Variants in ERC2 observed in about 807,000 individuals in gnomAD.
ERC2 encodes ERC protein 2.
ERC2 carries 42 observed loss-of-function variants against 114.8 expected under a neutral mutation model. The observed-to-expected ratio is 0.37, with a 90% CI of 0.29 to 0.47. The LOEUF (loss-of-function observed/expected upper bound fraction) is 0.47. Among genes scored for constraint, ERC2 ranks in the 20% least tolerant of loss-of-function variants. ERC2 has a pLI of 0.99. For missense variants in ERC2, 939 were observed against 1,150.7 expected, an observed-to-expected ratio of 0.82 and a Z score of 2.66; for synonymous variants, 454 against 425.5, an observed-to-expected ratio of 1.07 and a Z score of -0.82.
chr3:56,336,766 T>C (rs978573573), intron 2 of ERC2, among the ~76,000 whole-genome samples: 9 of 152,120 alleles, frequency 5.9e-5, no homozygotes, highest in African/African-American at 1.9e-4. Flanking sequence ...CACTGCACTC[T>C]AGCCTGGGGG....
intron 14 of ERC2, among the ~76,000 whole-genome samples, chr3:55,788,877 T>C (rs961309971): frequency 1.1e-4 from 16 of 152,228 alleles, no homozygotes; most frequent in African/African-American, 3.6e-4. Flanking sequence ...TGCTCATACA[T>C]GTGTAACCAG....
chr3:56,336,657 G>A (rs1194832298), intron 2 of ERC2, among the ~76,000 whole-genome samples: 4 of 152,080 alleles, frequency 2.6e-5, no homozygotes, highest in Admixed American at 2.6e-4. Context: ...AGCTGAGCAT[G>A]GTGGCAGGCG....
chr3:55,722,518 G>T (rs1262024423), intron 15 of ERC2, among the ~76,000 whole-genome samples: 2 of 152,132 alleles, frequency 1.3e-5, no homozygotes, highest in Non-Finnish European at 2.9e-5. Flanking sequence ...ATCATCTTTG[G>T]TTTTTCCCAT....
At chr3:55,661,500 T>G (rs2061135056) in intron 17 of ERC2, among the ~76,000 whole-genome samples, 1 of 152,186 alleles carries the variant, frequency 6.6e-6, no homozygotes, top group African/African-American at 2.4e-5. Context: ...ATCTCTCCCC[T>G]TCCCTCTTCC....
intron 7 of ERC2, among the ~76,000 whole-genome samples, chr3:56,030,795 C>A (rs1033798639): frequency 1.3e-5 from 2 of 151,894 alleles, no homozygotes; most frequent in African/African-American, 2.4e-5. Flanking sequence ...GTAATTATAC[C>A]CTCCGAATGG....
In ERC2 at chr3:56,110,213, C is replaced by G. The variant is rs181555525; in HGVS notation, c.1474-29229G>C. 8.5e-4 allele frequency among the ~76,000 whole-genome samples: 129 copies of G among 152,248 alleles called. 1 individual carries two copies. Among genetic ancestry groups the G allele is most frequent in the African/African-American group, 3.0e-3 (123 of 41,548 alleles). On this transcript the variant is annotated intron_variant, in intron 6 of 17. Coordinates refer to ENST00000288221, the MANE Select transcript of ERC2 (RefSeq NM_015576.3). ...AGCAAGGCTATAGGAAATTTGGTAT[C>G]AGTCTTTTGCTGAGGTATTATAATA...
At chr3:55,762,944 A>G (rs541661930) in intron 14 of ERC2, among the ~76,000 whole-genome samples, 159 of 152,362 alleles carry the variant, frequency 1.0e-3, no homozygotes, top group Middle Eastern at 3.4e-3. Context: ...CAGAACACAT[A>G]CTAAGTAGGT....
intron 17 of ERC2, among the ~76,000 whole-genome samples, chr3:55,585,919 C>T (rs1053938974): frequency 3.9e-5 from 6 of 152,076 alleles, no homozygotes; most frequent in Admixed American, 3.3e-4. Context: ...AACCGCAGAA[C>T]GAAAATCAAA....
intron 3 of ERC2, among the ~76,000 whole-genome samples, chr3:56,258,956 T>G (rs1247561812): frequency 6.7e-6 from 1 of 148,864 alleles, no homozygotes; most frequent in Non-Finnish European, 1.5e-5. Flanking sequence ...AACTATGTTT[T>G]TCTTTTAATT....
chr3:55,924,214 C>T (rs1207566473), intron 13 of ERC2, among the ~76,000 whole-genome samples: 1 of 152,156 alleles, frequency 6.6e-6, no homozygotes, highest in Non-Finnish European at 1.5e-5. Context: ...AAAGTCCTCA[C>T]TGTCTTCTAG....
chr3:56,361,266 G>A (rs2058947508), intron 2 of ERC2, among the ~76,000 whole-genome samples: 1 of 152,144 alleles, frequency 6.6e-6, no homozygotes, highest in Non-Finnish European at 1.5e-5. Flanking sequence ...GCACACTCAT[G>A]GGGTGGGGAC....
At chr3:55,657,288 TG>T (rs1394083250) in intron 17 of ERC2, 3 of 152,156 alleles carry the variant, frequency 2.0e-5, no homozygotes, top group African/African-American at 7.2e-5. Flanking sequence ...TAAGGCAACT[TG>T]GCAGATCTCT....
At chr3:56,077,074 T>C (rs1346596625) in intron 7 of ERC2, among the ~76,000 whole-genome samples, 1 of 152,196 alleles carries the variant, frequency 6.6e-6, no homozygotes, top group Non-Finnish European at 1.5e-5. Flanking sequence ...GCTATTCCAA[T>C]CCAAGCCTGC....
At chr3:56,356,415 G>A (rs1440012203) in intron 2 of ERC2, among the ~76,000 whole-genome samples, 3 of 152,340 alleles carry the variant, frequency 2.0e-5, no homozygotes, top group Admixed American at 2.0e-4. Flanking sequence ...GTAAGCTCAT[G>A]TAGGTGGACG....
chr3:55,560,424 G>T (rs2107474500), intron 17 of ERC2, among the ~76,000 whole-genome samples: 1 of 152,258 alleles, frequency 6.6e-6, no homozygotes. Context: ...CATGCACCTT[G>T]GTCTCCTGGA....
intron 13 of ERC2, 131 bp from the exon 14 acceptor site, chr3:55,888,680 G>A (rs2063470261): frequency 3.7e-6 from 4 of 1,075,024 alleles, no homozygotes; most frequent in Non-Finnish European, 5.4e-6. Flanking sequence ...CTGTGTCTTG[G>A]AGCCCTTTCT....
At chr3:56,228,805 A>G (rs543115588) in intron 3 of ERC2, among the ~76,000 whole-genome samples, 8 of 152,228 alleles carry the variant, frequency 5.3e-5, no homozygotes, top group Non-Finnish European at 1.2e-4. Flanking sequence ...TTAAAAGTGT[A>G]AAATAACTAA....
intron 2 of ERC2, among the ~76,000 whole-genome samples, chr3:56,301,512 C>T (rs2055873056): frequency 6.6e-6 from 1 of 151,966 alleles, no homozygotes; most frequent in East Asian, 1.9e-4. Flanking sequence ...CTCTTCTCTC[C>T]CCCTCCTACT....
chr3:55,699,665 C>T (rs768221985), intron 15 of ERC2, 153 bp from the exon 16 acceptor site: 2 of 831,528 alleles, frequency 2.4e-6, no homozygotes, highest in Non-Finnish European at 1.8e-6. Flanking sequence ...AAAGAAAGCA[C>T]CATGACATTA....
Sources: allele counts gnomAD v4.1 joint callset (sites outside exome capture counted in the v4.1 genomes callset), GRCh38; gene constraint gnomAD v4.1.1; transcripts MANE v1.5; gene names NCBI Gene and HGNC (gene_info 2026-07-23, HGNC 2026-07-21).